ZNF385D: variants seen among roughly 807,000 people sequenced by gnomAD.
ZNF385D encodes the protein zinc finger protein 659.
A neutral mutation model predicts 35.8 loss-of-function variants in ZNF385D; 15 were observed. The observed-to-expected ratio is 0.42, with a 90% confidence interval of 0.28 to 0.64. The LOEUF (loss-of-function observed/expected upper bound fraction) is 0.64, where lower values mean the gene tolerates loss of function less well. Among genes scored for constraint, ZNF385D ranks in the 30% least tolerant of loss-of-function variants. The pLI, the probability that ZNF385D is intolerant of heterozygous loss-of-function variation, is 0.23. For missense variants in ZNF385D, 474 were observed against 494.6 expected, an observed-to-expected ratio of 0.96 and a Z score of 0.39; for synonymous variants, 212 against 186.8, an observed-to-expected ratio of 1.13 and a Z score of -1.10.
At chr3:21,759,180 G>A (rs1437528526) in intron 3 of ZNF385D, among the ~76,000 whole-genome samples, 1 of 151,972 alleles carries the variant, frequency 6.6e-6, no homozygotes, top group East Asian at 1.9e-4. Flanking sequence ...ATGTGTATAA[G>A]GGTCTGGTAA....
rs1700579864 is a variant in ZNF385D, at chr3:21,417,591, A to G, written c.*3623T>C. On this transcript the variant is annotated 3_prime_UTR_variant, in exon 8 of 8. Transcript: ENST00000281523. Reference sequence around the variant, plus strand: ...CACTGGTACAAAGACAAAGATATTAATTTAAAATTTAATTGTAATTGGTGA... The same window carrying G: ...CACTGGTACAAAGACAAAGATATTAGTTTAAAATTTAATTGTAATTGGTGA... 2 of 152,150 alleles carry G rather than the reference A, an allele frequency of 1.3e-5. No homozygotes were observed. Among genetic ancestry groups the G allele is most frequent in the South Asian group, 2.1e-4 (1 of 4,832 alleles). The allele number at this position is 152,150 out of a possible 1,614,324, so 9.4% of individuals were successfully genotyped here.
chr3:21,538,835 C>T (rs1236403010), intron 3 of ZNF385D, among the ~76,000 whole-genome samples: 1 of 152,010 alleles, frequency 6.6e-6, no homozygotes, highest in Non-Finnish European at 1.5e-5. Flanking sequence ...ACACTGTCTA[C>T]AATAAGTACA....
At chr3:21,932,502 T>C (rs937040692) in intron 3 of ZNF385D, among the ~76,000 whole-genome samples, 3 of 152,074 alleles carry the variant, frequency 2.0e-5, no homozygotes, top group African/African-American at 7.2e-5. Context: ...TTTGATTAAA[T>C]ATTGAATAGC....
intron 4 of ZNF385D, among the ~76,000 whole-genome samples, chr3:21,442,242 C>A (rs185168172): frequency 3.9e-5 from 6 of 152,270 alleles, no homozygotes; most frequent in Middle Eastern, 3.4e-3. Context: ...TTACAGACTT[C>A]ATAACTGAAG....
chr3:22,365,708 T>G (rs1185360692), intron 2 of ZNF385D, among the ~76,000 whole-genome samples: 1 of 152,118 alleles, frequency 6.6e-6, no homozygotes, highest in Admixed American at 6.5e-5. Context: ...TAAACACTTG[T>G]CATTTAACAT....
chr3:21,859,132 A>G (rs562101549), intron 3 of ZNF385D, among the ~76,000 whole-genome samples: 44 of 152,192 alleles, frequency 2.9e-4, no homozygotes, highest in Non-Finnish European at 5.6e-4. Context: ...TGGAAATAAA[A>G]TTTGTCATTT....
chr3:21,891,849 A>T (rs1698884321), intron 3 of ZNF385D, among the ~76,000 whole-genome samples: 1 of 152,140 alleles, frequency 6.6e-6, no homozygotes, highest in Non-Finnish European at 1.5e-5. Context: ...TAATTCCCCC[A>T]ATTCAATAAT....
rs895215101 is a variant in ZNF385D, at chr3:21,820,323, C to A, written c.326-155295G>T. Among the ~76,000 whole-genome samples, 34 of 151,412 alleles carry A rather than the reference C, an allele frequency of 2.2e-4. 1 individual carries two copies. The highest frequency in any genetic ancestry group is 2.2e-3 in the Admixed American group (34 of 15,220). The stretch of plus-strand genomic sequence containing the variant: ...AAATGGAGATAAATAAAAAGAAGAA[C>A]CAACATAAGAAAATGAAAAGAAAAA... On this transcript the variant is annotated intron_variant, in intron 3 of 5. Transcript: ENST00000494108.
chr3:21,863,229 T>C (rs1312540630), intron 3 of ZNF385D, among the ~76,000 whole-genome samples: 2 of 152,134 alleles, frequency 1.3e-5, no homozygotes, highest in African/African-American at 2.4e-5. Flanking sequence ...ACTGATAGCT[T>C]CATTTCTTTT....
chr3:21,424,317 A>ATATAT lies in ZNF385D; in HGVS notation c.853-254_853-253insATATA, dbSNP rs1221923155. On this transcript the variant is annotated intron_variant, in intron 6 of 7. Transcript: ENST00000281523. ...TATATATATTTATATATATATATAT[A>ATATAT]TTTTTTTTTTTTTTTGAGATGGAGT... Among the ~76,000 whole-genome samples the ATATAT allele has an allele frequency of 1.6e-3, 104 of 63,750 alleles. 4 individuals are homozygous for ATATAT. Among genetic ancestry groups the ATATAT allele is most frequent in the Admixed American group, 2.2e-3 (7 of 3,232 alleles). The allele number at this position is 63,750 out of a possible 152,430, so 41.8% of individuals were successfully genotyped here.
chr3:21,810,073 T>C (rs577345970), intron 3 of ZNF385D, among the ~76,000 whole-genome samples: 14 of 152,140 alleles, frequency 9.2e-5, no homozygotes, highest in South Asian at 2.1e-4. Context: ...GAACCAAAGA[T>C]AGCAAAAGTA....
rs139306613 is a variant in ZNF385D, at chr3:21,746,038, G to C, written c.22+4857C>G. 1.7e-3 allele frequency among the ~76,000 whole-genome samples: 263 copies of C among 152,176 alleles called. 2 individuals carry two copies. Among genetic ancestry groups the C allele is most frequent in the African/African-American group, 5.8e-3 (241 of 41,520 alleles). On this transcript the variant is annotated intron_variant, in intron 1 of 7. Transcript: ENST00000281523. ...ATATTAAGTCTATATATATAACAAG[G>C]AACTATTTGACATTCCAGTATTAAA...
intron 3 of ZNF385D, among the ~76,000 whole-genome samples, chr3:21,960,044 A>G (rs1702499643): frequency 1.3e-5 from 2 of 151,902 alleles, no homozygotes; most frequent in South Asian, 2.1e-4. Flanking sequence ...AAAAAAGACA[A>G]ATGGACTATT....
chr3:21,818,037 A>G (rs745879224), intron 3 of ZNF385D, among the ~76,000 whole-genome samples: 17 of 152,192 alleles, frequency 1.1e-4, no homozygotes, highest in Non-Finnish European at 2.2e-4. Context: ...AGGGACATGG[A>G]TGAAGCTGGA....
chr3:21,777,976 C>A (rs927775674), intron 3 of ZNF385D, among the ~76,000 whole-genome samples: 1 of 151,816 alleles, frequency 6.6e-6, no homozygotes, highest in East Asian at 1.9e-4. Flanking sequence ...CTTGATCAAA[C>A]AGACCCCAGA....
At chr3:21,614,187 A>G (rs1361393221) in intron 2 of ZNF385D, among the ~76,000 whole-genome samples, 7 of 152,158 alleles carry the variant, frequency 4.6e-5, no homozygotes, top group Non-Finnish European at 1.5e-5. Context: ...AGATCAAGGT[A>G]TAAGCAGGTC....
intron 2 of ZNF385D, among the ~76,000 whole-genome samples, chr3:21,642,244 C>T (rs1033213954): frequency 6.6e-6 from 1 of 152,124 alleles, no homozygotes; most frequent in African/African-American, 2.4e-5. Flanking sequence ...TGCATTCCAT[C>T]GCAGAACTGG....
intron 2 of ZNF385D, among the ~76,000 whole-genome samples, chr3:22,245,955 C>G (rs1322193568): frequency 6.6e-6 from 1 of 152,036 alleles, no homozygotes; most frequent in Non-Finnish European, 1.5e-5. Flanking sequence ...AATCTGAGCT[C>G]CTTATGAAAA....
chr3:21,721,056 T>G (rs1315470001), intron 1 of ZNF385D, among the ~76,000 whole-genome samples: 1 of 152,150 alleles, frequency 6.6e-6, no homozygotes, highest in African/African-American at 2.4e-5. Context: ...AAAAGAAAGT[T>G]GTAACAGGTT....
Sources: gnomAD v4.1 joint callset for allele counts (sites outside exome capture counted in the v4.1 genomes callset) on GRCh38, gnomAD v4.1.1 for gene constraint, MANE v1.5 for transcripts, NCBI Gene and HGNC (gene_info 2026-07-23, HGNC 2026-07-21) for gene names.